Variants in DPP10 observed in about 807,000 individuals in gnomAD.
DPP10 encodes dipeptidyl peptidase like 10, also known as inactive dipeptidyl peptidase 10.
In DPP10, 33 loss-of-function variants were observed where a neutral mutation model predicts 120.9. The observed-to-expected ratio is 0.27, with a 90% CI of 0.21 to 0.37. The LOEUF is 0.37. Ranked by LOEUF, DPP10 falls within the 10% of genes least tolerant of loss-of-function variation. DPP10 has a pLI of 1.00. For missense variants in DPP10, 816 were observed against 942.8 expected (o/e 0.87, Z 1.76); for synonymous variants, 337 against 326.1 (o/e 1.03, Z -0.36).
intron 1 of DPP10, among the ~76,000 whole-genome samples, chr2:114,849,978 C>T (rs1042467969): frequency 6.7e-6 from 1 of 150,314 alleles, no homozygotes; most frequent in Non-Finnish European, 1.5e-5. Context: ...TCTCTTCTCC[C>T]TCCCCTCTCC....
intron 5 of DPP10, among the ~76,000 whole-genome samples, chr2:115,566,906 T>C (rs2081041158): frequency 6.6e-6 from 1 of 152,232 alleles, no homozygotes; most frequent in Admixed American, 6.5e-5. Context: ...TCATCCTTTC[T>C]GTGTTTTTAT....
intron 1 of DPP10, among the ~76,000 whole-genome samples, chr2:114,915,930 G>GACTAACATT (rs1290105761): frequency 2.1e-4 from 32 of 152,008 alleles, no homozygotes; most frequent in African/African-American, 7.5e-4. Context: ...ATATGTAGAG[G>GACTAACATT]AACTAGAAAA....
At chr2:115,582,778 A>C (rs899154389) in intron 5 of DPP10, among the ~76,000 whole-genome samples, 1 of 152,136 alleles carries the variant, frequency 6.6e-6, no homozygotes, top group Non-Finnish European at 1.5e-5. Flanking sequence ...TAATTACCAC[A>C]TTCCAAAAAA....
intron 1 of DPP10, among the ~76,000 whole-genome samples, chr2:115,154,950 G>C (rs1294106993): frequency 3.3e-5 from 5 of 150,290 alleles, no homozygotes; most frequent in Non-Finnish European, 7.4e-5. Context: ...GGAGTGCAGT[G>C]GCGCCATCTT....
intron 1 of DPP10, among the ~76,000 whole-genome samples, chr2:115,203,888 T>C (rs2105311257): frequency 6.6e-6 from 1 of 152,308 alleles, no homozygotes; most frequent in Non-Finnish European, 1.5e-5. Context: ...AACAATAGAC[T>C]TCTACCTAAT....
chr2:115,368,849 T>A (rs2065233638), intron 3 of DPP10, among the ~76,000 whole-genome samples: 1 of 151,828 alleles, frequency 6.6e-6, no homozygotes, highest in Admixed American at 6.6e-5. Flanking sequence ...AAATAAAATT[T>A]GACATCATCA....
intron 1 of DPP10, among the ~76,000 whole-genome samples, chr2:114,663,380 A>G (rs1480030990): frequency 6.6e-6 from 1 of 150,600 alleles, no homozygotes; most frequent in Non-Finnish European, 1.5e-5. Flanking sequence ...TGAATAATCC[A>G]TCTTCCCCTT....
rs534598766 is a variant in DPP10 at position 114,961,698 on chromosome 2, A to T, written c.61-347541A>T. Among the ~76,000 whole-genome samples, 4 of 152,234 alleles carry T rather than the reference A, an allele frequency of 2.6e-5. No homozygotes were observed. The South Asian group carries it at 8.3e-4, about 32-fold the overall frequency. On this transcript the variant is annotated intron_variant, in intron 1 of 25. Coordinates refer to ENST00000410059, the MANE Select transcript of DPP10 (RefSeq NM_020868.6). ...GCCAGTACCTAGTACAATGTCTGAC[A>T]TATAAAAGTACTCAGGAGGCCGAGG...
intron 1 of DPP10, among the ~76,000 whole-genome samples, chr2:114,910,376 G>A (rs928518714): frequency 1.3e-5 from 2 of 151,846 alleles, no homozygotes; most frequent in Non-Finnish European, 1.5e-5. Context: ...AGATGGTATT[G>A]ACAGCCAGAT....
intron 1 of DPP10, among the ~76,000 whole-genome samples, chr2:114,988,120 T>C (rs937419254): frequency 6.6e-6 from 1 of 152,236 alleles, no homozygotes. Flanking sequence ...GACTGAGTCT[T>C]GTTCATCTTC....
At chr2:114,569,935 A>T (rs1291404236) in intron 1 of DPP10, among the ~76,000 whole-genome samples, 1 of 152,306 alleles carries the variant, frequency 6.6e-6, no homozygotes, top group African/African-American at 2.4e-5. Context: ...TCATTTATTT[A>T]TCTGTCAATC....
intron 1 of DPP10, among the ~76,000 whole-genome samples, chr2:114,663,749 G>T (rs1697677562): frequency 6.7e-6 from 1 of 149,742 alleles, no homozygotes; most frequent in South Asian, 2.1e-4. Context: ...GCAACTCCCA[G>T]ATCTGCCACT....
intron 1 of DPP10, among the ~76,000 whole-genome samples, chr2:115,162,826 C>G (rs1451804813): frequency 6.6e-6 from 1 of 152,114 alleles, no homozygotes; most frequent in Non-Finnish European, 1.5e-5. Context: ...ATCCCCATCT[C>G]GTCTCTGTCC....
Position 114,633,194 on chromosome 2 carries a change from A to G in DPP10, c.60+190356A>G, listed in dbSNP as rs182974621. Among the ~76,000 whole-genome samples the G allele has an allele frequency of 5.2e-4, 70 of 134,726 alleles. 1 individual carries two copies. Among genetic ancestry groups the G allele is most frequent in the African/African-American group, 2.0e-3 (63 of 31,996 alleles). The allele number at this position is 134,726 out of a possible 152,430, so 88.4% of individuals were successfully genotyped here. A position where few individuals can be genotyped will look rare whatever the true frequency, so the allele number is the denominator to read the frequency against. On this transcript the variant is annotated intron_variant, in intron 1 of 25. Coordinates refer to ENST00000410059, the MANE Select transcript of DPP10 (RefSeq NM_020868.6). ...CATTGATATTTTCATTAAAAATTTA[A>G]CATTATAGATTTGTTTTCTCCTAAC...
intron 13 of DPP10, 31 bp downstream of exon 13, chr2:115,768,435 T>A: frequency 6.3e-7 from 1 of 1,592,190 alleles, no homozygotes; most frequent in Non-Finnish European, 8.6e-7. Context: ...ATGTTTTGAT[T>A]TCATTGTCCT....
chr2:115,115,759 G>A (rs755829644), intron 1 of DPP10, among the ~76,000 whole-genome samples: 3 of 152,034 alleles, frequency 2.0e-5, no homozygotes, highest in Non-Finnish European at 4.4e-5. Flanking sequence ...TGTTCTTCTC[G>A]TAATCCATAA....
intron 3 of DPP10, among the ~76,000 whole-genome samples, chr2:115,396,613 A>T (rs1348499092): frequency 6.6e-6 from 1 of 152,202 alleles, no homozygotes; most frequent in African/African-American, 2.4e-5. Flanking sequence ...TTCTTGTTAA[A>T]TACTCAAAGA....
intron 5 of DPP10, among the ~76,000 whole-genome samples, chr2:115,657,260 A>G (rs773527430): frequency 4.0e-5 from 6 of 151,784 alleles, no homozygotes; most frequent in Non-Finnish European, 8.9e-5. Context: ...TCAGAAAATT[A>G]CATGAAAACC....
intron 1 of DPP10, among the ~76,000 whole-genome samples, chr2:114,568,044 T>G: frequency 1.0e-5 from 1 of 95,298 alleles, no homozygotes; most frequent in African/African-American, 4.0e-5. Flanking sequence ...GAGAGAGAGA[T>G]ACTGTAAAAA....
Sources: allele counts gnomAD v4.1 joint callset (sites outside exome capture counted in the v4.1 genomes callset), GRCh38; gene constraint gnomAD v4.1.1; transcripts MANE v1.5; gene names NCBI Gene and HGNC (gene_info 2026-07-23, HGNC 2026-07-21).